Variants in MAF observed in about 807,000 individuals in gnomAD.
MAF encodes MAF bZIP transcription factor.
MAF carries 10 observed loss-of-function variants against 22.0 expected under a neutral mutation model. That is an observed-to-expected ratio of 0.45 (90% CI 0.28 to 0.77). MAF has a LOEUF of 0.77. MAF is among the 30% of genes least tolerant of loss of function. The pLI is 0.12. For synonymous variants in MAF, 337 were observed against 255.8 expected, an observed-to-expected ratio of 1.32 and a Z score of -3.03; for missense variants, 544 against 548.4, an observed-to-expected ratio of 0.99 and a Z score of 0.08.
At chr16:79,295,740 G>A in the MAF span, among the ~76,000 whole-genome samples, 2 of 152,310 alleles carry the variant, frequency 1.3e-5, no homozygotes, top group East Asian at 1.9e-4. Flanking sequence ...GACCCTTACT[G>A]GGGGCTTCCC....
rs1163516350 is a variant in MAF, at chr16:79,600,116, C to G, written c.-214G>C. 1.8e-5 allele frequency: 10 copies of G among 567,936 alleles called. No homozygotes were observed. The highest frequency in any genetic ancestry group is 6.9e-5 in the South Asian group (3 of 43,414). 35.2% of individuals were successfully genotyped at this position (567,936 alleles called of 1,614,324 possible). A position where few individuals can be genotyped will look rare whatever the true frequency, so the allele number is the denominator to read the frequency against. On this transcript the variant is annotated 5_prime_UTR_variant, in exon 1 of 2. Transcript: ENST00000326043. The stretch of plus-strand genomic sequence containing the variant: ...GCCCCCCGCGCCCGCCCTCCCTCCC[C>G]CCTGCTCACGCCAATGTGCTCCCTC...
At chr16:79,583,477 G>C (rs1345235671), downstream of MAF, among the ~76,000 whole-genome samples, 1 of 152,168 alleles carries the variant, frequency 6.6e-6, no homozygotes, top group Non-Finnish European at 1.5e-5. Flanking sequence ...CCCTAGGTAA[G>C]TAAGTGTCCC....
At chr16:79,448,526 G>C in the MAF span, among the ~76,000 whole-genome samples, 1 of 151,920 alleles carries the variant, frequency 6.6e-6, no homozygotes. Context: ...CCCAGGTCCA[G>C]GCAATTATCC....
the MAF span, among the ~76,000 whole-genome samples, chr16:79,543,976 G>A: frequency 4.6e-5 from 7 of 151,958 alleles, no homozygotes; most frequent in Non-Finnish European, 1.0e-4. Flanking sequence ...GTGAACCACC[G>A]CACCTGGCCC....
At chr16:79,598,277 C>G (rs1913689998) in intron 1 of MAF, 2 of 1,043,884 alleles carry the variant, frequency 1.9e-6, no homozygotes, top group Non-Finnish European at 1.2e-6. Flanking sequence ...AAAAAAAAAT[C>G]CAAACAAAAT....
At chr16:79,243,194 T>G in the MAF span, among the ~76,000 whole-genome samples, 2 of 151,450 alleles carry the variant, frequency 1.3e-5, no homozygotes, top group African/African-American at 4.8e-5. Context: ...AAGAAATAAC[T>G]AAGATGGGAG....
At chr16:79,336,958 A>C in the MAF span, among the ~76,000 whole-genome samples, 8 of 152,216 alleles carry the variant, frequency 5.3e-5, no homozygotes, top group Non-Finnish European at 1.0e-4. Context: ...AGCAAGGAAA[A>C]AATAAACATT....
chr16:79,284,987 C>T, the MAF span, among the ~76,000 whole-genome samples: 8 of 152,178 alleles, frequency 5.3e-5, no homozygotes, highest in African/African-American at 1.2e-4. Flanking sequence ...AAAATAGAAA[C>T]GTACGGCATC....
the MAF span, among the ~76,000 whole-genome samples, chr16:79,573,850 C>T: frequency 2.0e-5 from 3 of 152,100 alleles, no homozygotes; most frequent in Admixed American, 6.6e-5. Flanking sequence ...TTTTGAAAAC[C>T]TAGAACAAAG....
intron 1 of MAF, chr16:79,598,219 G>A: frequency 9.5e-7 from 1 of 1,057,368 alleles, no homozygotes. Flanking sequence ...TGAGGGTGGA[G>A]GTTGGAAAAA....
the MAF span, among the ~76,000 whole-genome samples, chr16:79,580,125 A>G: frequency 1.3e-5 from 2 of 152,164 alleles, no homozygotes; most frequent in Non-Finnish European, 2.9e-5. Flanking sequence ...TCAGGCAGAG[A>G]CCAAGTTGCA....
chr16:79,471,552 C>A, the MAF span, among the ~76,000 whole-genome samples: 1 of 152,160 alleles, frequency 6.6e-6, no homozygotes, highest in Non-Finnish European at 1.5e-5. Context: ...TGGTGCACAC[C>A]TGTAGTTCCA....
At chr16:79,454,887 G>A in the MAF span, among the ~76,000 whole-genome samples, 22 of 151,800 alleles carry the variant, frequency 1.4e-4, no homozygotes, top group African/African-American at 4.6e-4. Flanking sequence ...ACCTGAGGTC[G>A]GGAGTTCGAG....
chr16:79,233,046 T>G, the MAF span, among the ~76,000 whole-genome samples: 1 of 151,792 alleles, frequency 6.6e-6, no homozygotes, highest in Non-Finnish European at 1.5e-5. Flanking sequence ...GTCACCGTGT[T>G]AGCCAGGATG....
At chr16:79,313,704 C>A in the MAF span, among the ~76,000 whole-genome samples, 1 of 152,128 alleles carries the variant, frequency 6.6e-6, no homozygotes, top group Non-Finnish European at 1.5e-5. Flanking sequence ...TTCTGTGGAA[C>A]CCTAAGCCCC....
At chr16:79,414,193 C>T in the MAF span, among the ~76,000 whole-genome samples, 1 of 152,184 alleles carries the variant, frequency 6.6e-6, no homozygotes, top group East Asian at 1.9e-4. Context: ...TGTCTTGGTC[C>T]ATTTTGTGTT....
At chr16:79,526,960 T>C in the MAF span, among the ~76,000 whole-genome samples, 1 of 152,356 alleles carries the variant, frequency 6.6e-6, no homozygotes, top group South Asian at 2.1e-4. Flanking sequence ...TAAAGTTATA[T>C]AATTTAATTT....
the MAF span, chr16:79,211,991 T>A: frequency 6.5e-6 from 10 of 1,534,804 alleles, no homozygotes. Context: ...AGTATCACTT[T>A]TCTGGGGCTG....
chr16:79,407,366 A>G, the MAF span, among the ~76,000 whole-genome samples: 142 of 152,328 alleles, frequency 9.3e-4, no homozygotes, highest in African/African-American at 3.3e-3. Flanking sequence ...CATAAAGGAT[A>G]TAACTTCACC....
Sources: allele counts gnomAD v4.1 joint callset (sites outside exome capture counted in the v4.1 genomes callset), GRCh38; gene constraint gnomAD v4.1.1; transcripts MANE v1.5; gene names NCBI Gene and HGNC (gene_info 2026-07-23, HGNC 2026-07-21).